MED12L: variants seen among roughly 807,000 people sequenced by gnomAD.
MED12L encodes the protein mediator complex subunit 12L.
Under a neutral mutation model 281.3 loss-of-function variants are expected in MED12L, and 60 were observed. That is an observed-to-expected ratio of 0.21 (90% CI 0.17 to 0.26). The LOEUF (loss-of-function observed/expected upper bound fraction) is 0.26, where lower values mean the gene tolerates loss of function less well. Ranked by LOEUF, MED12L falls within the 10% of genes least tolerant of loss-of-function variation. MED12L has a pLI of 1.00. For missense variants in MED12L, 2,146 were observed against 2,680.9 expected (o/e 0.80, Z 4.41); for synonymous variants, 974 against 987.2 (o/e 0.99, Z 0.25).
chr3:151,317,382 A>G (rs191407734), intron 16 of MED12L, among the ~76,000 whole-genome samples: 21 of 121,758 alleles, frequency 1.7e-4, no homozygotes, highest in Non-Finnish European at 2.4e-4. Context: ...AAAACAATTT[A>G]TTTTATTGCT....
At chr3:151,238,403 T>C (rs1447229812) in intron 16 of MED12L, among the ~76,000 whole-genome samples, 1 of 152,208 alleles carries the variant, frequency 6.6e-6, no homozygotes, top group Non-Finnish European at 1.5e-5. Context: ...CGCCTCAGCC[T>C]CCCAAAGTGC....
chr3:151,269,428 C>A (rs1740456226), intron 16 of MED12L: 2 of 212,462 alleles, frequency 9.4e-6, no homozygotes, highest in African/African-American at 4.8e-5. Flanking sequence ...CACACACACA[C>A]ACACACACAC....
intron 17 of MED12L, 56 bp downstream of exon 17, chr3:151,350,262 GCA>G (rs1346003326): frequency 3.2e-6 from 5 of 1,566,392 alleles, no homozygotes; most frequent in South Asian, 2.3e-5. Flanking sequence ...TTCCCTCTGA[GCA>G]CAGTCTTTAT....
Position 151,385,073 on chromosome 3 carries a change from G to A in MED12L, c.4970G>A (p.Arg1657Gln), listed in dbSNP as rs189535205. ...DKRSESIDKV[R>Q]QLLPLPKQTC... The stretch of plus-strand genomic sequence containing the variant: ...CGATCAGAAAGTATTGACAAAGTTC[G>A]ACAGTTACTACCTTTGCCGAAACAG... The change falls in exon 36 of 45, where the codon CGA becomes CAA. Residue 1657 changes from arginine (R) to glutamine (Q), a missense_variant. Arg to Gln is a conservative substitution (Grantham distance 43, BLOSUM62 1). Transcript: ENST00000687756. 2.5e-5 allele frequency: 40 copies of A among 1,610,378 alleles called. No individual in the cohort carries two copies. In the East Asian group the frequency reaches 3.1e-4, roughly 13 times the overall value.
rs1391045358 is a variant in MED12L at position 151,413,251 on chromosome 3, AGAC to A, written c.6254_6256del (p.Arg2085_Pro2086delinsThr). 1 of 1,614,188 alleles carries A rather than the reference AGAC, an allele frequency of 6.2e-7. No homozygotes were observed. The highest frequency in any genetic ancestry group is 1.7e-5 in the Admixed American group (1 of 60,016). Reference sequence around the variant, plus strand: ...CGTGCCCCTGCCTCAGGATCCCATGAGACCCAGACAGCCGCAAGTTCGACAGCA... The same window carrying A: ...CGTGCCCCTGCCTCAGGATCCCATGACCAGACAGCCGCAAGTTCGACAGCA... On this transcript the variant is annotated inframe_deletion, in exon 42 of 45. Coordinates refer to ENST00000687756, the MANE Select transcript of MED12L (RefSeq NM_001393769.1).
intron 5 of MED12L, among the ~76,000 whole-genome samples, chr3:151,155,490 G>T (rs1354706639): frequency 1.3e-5 from 2 of 152,156 alleles, no homozygotes; most frequent in African/African-American, 4.8e-5. Flanking sequence ...GAGACACTTG[G>T]TGTTGGTTGA....
chr3:151,262,495 A>G (rs1379251699), intron 16 of MED12L, among the ~76,000 whole-genome samples: 2 of 152,200 alleles, frequency 1.3e-5, no homozygotes, highest in East Asian at 1.9e-4. Flanking sequence ...TCAGCCATAG[A>G]CTTTACATAG....
At position 151,279,774 on chromosome 3, in the gene MED12L, T is replaced by C. The variant is rs1742516511; in HGVS notation, c.2251-70285T>C. 2.0e-5 allele frequency among the ~76,000 whole-genome samples: 3 copies of C among 152,160 alleles called. No homozygotes were observed. In the South Asian group the frequency reaches 6.2e-4, roughly 32 times the overall value. Reference sequence around the variant, plus strand: ...TTGCAGAGTCCTCCAGATGTAAACATTTTGCTGATTAAATTGATGATTTGG... The same window carrying C: ...TTGCAGAGTCCTCCAGATGTAAACACTTTGCTGATTAAATTGATGATTTGG... On this transcript the variant is annotated intron_variant, in intron 16 of 44. Transcript: ENST00000687756.
chr3:151,433,161 CATT>C lies in MED12L; in HGVS notation c.*359_*361del, dbSNP rs1719720764. The C allele has an allele frequency of 5.8e-6, 1 of 172,428 alleles. No individual in the cohort carries two copies. The highest frequency in any genetic ancestry group is 1.2e-5 in the Non-Finnish European group (1 of 81,736). The allele number at this position is 172,428 out of a possible 1,614,324, so 10.7% of individuals were successfully genotyped here. ...ATCTAAGGTATTTATGTATTTCATT[CATT>C]AATGATGACGTTGTTTTTTTTTTTT... On this transcript the variant is annotated 3_prime_UTR_variant, in exon 45 of 45. Transcript: ENST00000687756.
At chr3:151,201,556 C>T (rs1725593029) in intron 16 of MED12L, among the ~76,000 whole-genome samples, 1 of 152,212 alleles carries the variant, frequency 6.6e-6, no homozygotes, top group Non-Finnish European at 1.5e-5. Context: ...GCTTTCACAG[C>T]ATGTTCAGGC....
chr3:151,327,917 C>G, intron 16 of MED12L: 1 of 1,073,048 alleles, frequency 9.3e-7, no homozygotes, highest in Non-Finnish European at 1.3e-6. Flanking sequence ...ATCTTTTTTT[C>G]TTGGTTAAAT....
At chr3:151,198,072 A>G (rs1724921897) in intron 16 of MED12L, 1 of 159,046 alleles carries the variant, frequency 6.3e-6, no homozygotes, top group South Asian at 2.0e-4. Context: ...TATTTTTTAT[A>G]TTTTTATCAA....
At chr3:151,288,943 A>G (rs1743906199) in intron 16 of MED12L, among the ~76,000 whole-genome samples, 1 of 152,192 alleles carries the variant, frequency 6.6e-6, no homozygotes, top group Admixed American at 6.5e-5. Context: ...CACATCTGGT[A>G]TTCAGTTCAT....
intron 20 of MED12L, 69 bp from the exon 21 acceptor site, chr3:151,360,405 A>C: frequency 7.0e-7 from 1 of 1,433,226 alleles, no homozygotes; most frequent in Non-Finnish European, 9.6e-7. Flanking sequence ...TTTTCATTCT[A>C]AAAGAGTCAA....
chr3:151,215,924 C>CT (rs1728132264), intron 16 of MED12L, among the ~76,000 whole-genome samples: 1 of 152,194 alleles, frequency 6.6e-6, no homozygotes, highest in African/African-American at 2.4e-5. Context: ...GTGTGGAAAA[C>CT]TGTTTCCATA....
At chr3:151,188,578 T>G in intron 13 of MED12L, 98 bp downstream of exon 13, 2 of 1,252,376 alleles carry the variant, frequency 1.6e-6, no homozygotes, top group Non-Finnish European at 2.2e-6. Context: ...TTTAATATTC[T>G]TGGCACTGAA....
Position 151,336,036 on chromosome 3 carries a change from A to G in MED12L, c.2251-14023A>G, listed in dbSNP as rs77774127. On this transcript the variant is annotated intron_variant, in intron 16 of 44. Transcript: ENST00000687756. ...ATGACACTGTGAAGTAGTCAGTTTCAGTCCATGCTCTACCCCAACTTGAAT... is the reference window on the plus strand; with the variant it reads ...ATGACACTGTGAAGTAGTCAGTTTCGGTCCATGCTCTACCCCAACTTGAAT... Among the ~76,000 whole-genome samples the G allele has an allele frequency of 4.3e-3, 658 of 152,304 alleles. 2 individuals carry two copies. The highest frequency in any genetic ancestry group is 7.1e-3 in the Non-Finnish European group (483 of 68,018).
At chr3:151,236,060 T>G (rs1732710451) in intron 16 of MED12L, among the ~76,000 whole-genome samples, 1 of 152,176 alleles carries the variant, frequency 6.6e-6, no homozygotes, top group African/African-American at 2.4e-5. Context: ...TCTCCCCCTA[T>G]TCTTACATAC....
rs935133062 is a variant in MED12L at position 151,435,513 on chromosome 3, C to T, written c.*2709C>T. 2.6e-5 allele frequency: 4 copies of T among 152,082 alleles called. No homozygotes were observed. In the South Asian group the frequency reaches 6.2e-4, roughly 24 times the overall value. 9.4% of individuals were successfully genotyped at this position (152,082 alleles called of 1,614,324 possible). On this transcript the variant is annotated 3_prime_UTR_variant, in exon 45 of 45. Coordinates refer to ENST00000687756, the MANE Select transcript of MED12L (RefSeq NM_001393769.1). ...ATGAAAACCCAAGGGCGCTATTCCA[C>T]ATGTCTCAAATGATTGGCAGGGGCT...
Sources: allele counts gnomAD v4.1 joint callset (sites outside exome capture counted in the v4.1 genomes callset), GRCh38; gene constraint gnomAD v4.1.1; transcripts MANE v1.5; gene names NCBI Gene and HGNC (gene_info 2026-07-23, HGNC 2026-07-21).